Variants in CNTN5 observed in about 807,000 individuals in gnomAD.
CNTN5 encodes the protein contactin 5.
A neutral mutation model predicts 129.1 loss-of-function variants in CNTN5; 77 were observed. That is an observed-to-expected ratio of 0.60 (90% CI 0.50 to 0.72). CNTN5 has a LOEUF of 0.72. Ranked by LOEUF, CNTN5 falls within the 30% of genes least tolerant of loss-of-function variation. The pLI is 0.00. For missense variants in CNTN5, 1,478 were observed against 1,328.8 expected, an observed-to-expected ratio of 1.11 and a Z score of -1.75; for synonymous variants, 509 against 465.6, an observed-to-expected ratio of 1.09 and a Z score of -1.20.
At chr11:99,618,970 G>A (rs1335854402) in intron 3 of CNTN5, among the ~76,000 whole-genome samples, 1 of 152,110 alleles carries the variant, frequency 6.6e-6, no homozygotes, top group East Asian at 1.9e-4. Flanking sequence ...ATTAATCAAT[G>A]AGTCTGACTT....
At chr11:99,913,044 C>G (rs1213602243) in intron 6 of CNTN5, among the ~76,000 whole-genome samples, 2 of 152,002 alleles carry the variant, frequency 1.3e-5, no homozygotes, top group African/African-American at 4.8e-5. Context: ...TATAAAAGCA[C>G]TTGGTCTTTT....
chr11:99,960,115 G>T (rs77760226), intron 8 of CNTN5, among the ~76,000 whole-genome samples: 4 of 152,086 alleles, frequency 2.6e-5, no homozygotes, highest in Non-Finnish European at 4.4e-5. Context: ...ATATCTGCAC[G>T]TCTTGGTTAC....
In CNTN5 at chr11:99,673,287, A is replaced by T. The variant is rs138150847; in HGVS notation, c.55+117018A>T. On this transcript the variant is annotated intron_variant, in intron 3 of 24. Coordinates refer to ENST00000524871, the MANE Select transcript of CNTN5 (RefSeq NM_014361.4). ...ATTTTATGGGCATCATAGCATTTTGATAGGAAGCACAGACTTATAGCCAGA... is the reference window on the plus strand; with the variant it reads ...ATTTTATGGGCATCATAGCATTTTGTTAGGAAGCACAGACTTATAGCCAGA... 1.0e-3 allele frequency among the ~76,000 whole-genome samples: 156 copies of T among 152,280 alleles called. 1 individual carries two copies. The highest frequency in any genetic ancestry group is 3.6e-3 in the African/African-American group (149 of 41,562).
chr11:100,168,177 G>T (rs1198040561), intron 13 of CNTN5, among the ~76,000 whole-genome samples: 1 of 151,958 alleles, frequency 6.6e-6, no homozygotes, highest in Non-Finnish European at 1.5e-5. Flanking sequence ...ATCACAAGGT[G>T]AGCCAGCAAG....
intron 18 of CNTN5, among the ~76,000 whole-genome samples, chr11:100,286,108 C>A (rs1046529048): frequency 2.6e-5 from 4 of 152,216 alleles, no homozygotes; most frequent in African/African-American, 9.6e-5. Context: ...GGGTCCTACG[C>A]CCACGGAGTC....
chr11:99,428,060 A>C (rs2135089520), intron 2 of CNTN5, among the ~76,000 whole-genome samples: 1 of 152,164 alleles, frequency 6.6e-6, no homozygotes, highest in South Asian at 2.1e-4. Flanking sequence ...CTCTTTCTTA[A>C]ATAAACAGTC....
chr11:99,278,028 G>T (rs975526401), intron 1 of CNTN5, among the ~76,000 whole-genome samples: 1 of 151,564 alleles, frequency 6.6e-6, no homozygotes, highest in African/African-American at 2.4e-5. Flanking sequence ...AATAATTCAC[G>T]TAAGTTGTTT....
At chr11:99,444,039 A>G (rs1347972501) in intron 2 of CNTN5, among the ~76,000 whole-genome samples, 1 of 151,962 alleles carries the variant, frequency 6.6e-6, no homozygotes, top group Non-Finnish European at 1.5e-5. Context: ...CACTACTAAA[A>G]ATACAAAAAT....
At chr11:100,006,984 A>C (rs1940232411) in intron 9 of CNTN5, among the ~76,000 whole-genome samples, 1 of 152,124 alleles carries the variant, frequency 6.6e-6, no homozygotes, top group Non-Finnish European at 1.5e-5. Flanking sequence ...AATATTGCTC[A>C]TCTACATCAG....
intron 3 of CNTN5, among the ~76,000 whole-genome samples, chr11:99,801,474 C>A (rs538389981): frequency 6.6e-6 from 1 of 152,250 alleles, no homozygotes; most frequent in African/African-American, 2.4e-5. Context: ...TGGATGTCTA[C>A]CTTTCCAAGA....
chr11:99,838,648 G>A (rs368774866), intron 4 of CNTN5, among the ~76,000 whole-genome samples: 2 of 152,148 alleles, frequency 1.3e-5, no homozygotes, highest in East Asian at 1.9e-4. Context: ...TACAAAGGGA[G>A]GATCCACTTA....
intron 19 of CNTN5, 72 bp downstream of exon 19, chr11:100,297,767 A>G: frequency 8.6e-7 from 1 of 1,156,574 alleles, no homozygotes; most frequent in Non-Finnish European, 1.3e-6. Context: ...TAATTATTTT[A>G]TGATTAAGCA....
intron 3 of CNTN5, among the ~76,000 whole-genome samples, chr11:99,739,356 T>A (rs1298578868): frequency 6.6e-6 from 1 of 152,116 alleles, no homozygotes; most frequent in Non-Finnish European, 1.5e-5. Flanking sequence ...AAAATCTAGC[T>A]TTTACTTTAA....
intron 9 of CNTN5, among the ~76,000 whole-genome samples, chr11:100,036,594 C>T (rs563337957): frequency 2.7e-5 from 4 of 148,086 alleles, no homozygotes; most frequent in Non-Finnish European, 4.5e-5. Flanking sequence ...TTCTTCCTAC[C>T]CATGAGCAAG....
chr11:99,321,833 C>T (rs1038182869), intron 1 of CNTN5, among the ~76,000 whole-genome samples: 12 of 152,186 alleles, frequency 7.9e-5, no homozygotes, highest in South Asian at 2.1e-4. Flanking sequence ...TTTTGTTGAA[C>T]GAGGATTCAT....
chr11:99,303,133 ATT>A (rs1003103557), intron 1 of CNTN5, among the ~76,000 whole-genome samples: 1 of 151,754 alleles, frequency 6.6e-6, no homozygotes, highest in Non-Finnish European at 1.5e-5. Context: ...GTGCATGTGT[ATT>A]TATATATATT....
chr11:100,001,142 A>T (rs1386716889), intron 8 of CNTN5, among the ~76,000 whole-genome samples: 1 of 152,188 alleles, frequency 6.6e-6, no homozygotes, highest in Non-Finnish European at 1.5e-5. Flanking sequence ...TTAATTTCTC[A>T]ACAGAAAATG....
At chr11:99,266,189 A>T (rs560755523) in intron 1 of CNTN5, among the ~76,000 whole-genome samples, 1 of 152,196 alleles carries the variant, frequency 6.6e-6, no homozygotes, top group South Asian at 2.1e-4. Context: ...TGAACAAAAT[A>T]AATAAATAAA....
chr11:99,502,157 C>T (rs971340540), intron 2 of CNTN5, among the ~76,000 whole-genome samples: 21 of 152,260 alleles, frequency 1.4e-4, no homozygotes, highest in African/African-American at 5.1e-4. Flanking sequence ...CCATTGCTAA[C>T]ATCTATGTTG....
Sources: gnomAD v4.1 joint callset for allele counts (sites outside exome capture counted in the v4.1 genomes callset) on GRCh38, gnomAD v4.1.1 for gene constraint, MANE v1.5 for transcripts, NCBI Gene and HGNC (gene_info 2026-07-23, HGNC 2026-07-21) for gene names.